The following FOSL2 variants were observed in gnomAD, a reference collection of about 807,000 sequenced individuals.
The protein encoded by FOSL2 is FOS like 2, AP-1 transcription factor subunit, also known as fos-related antigen 2.
A neutral mutation model predicts 27.7 loss-of-function variants in FOSL2; 3 were observed. The observed-to-expected ratio is 0.11, with a 90% CI of 0.05 to 0.28. The LOEUF (loss-of-function observed/expected upper bound fraction) is 0.28, where lower values mean the gene tolerates loss of function less well. Ranked by LOEUF, FOSL2 falls within the 10% of genes least tolerant of loss-of-function variation. The pLI is 1.00. For missense variants in FOSL2, 333 were observed against 445.1 expected, an observed-to-expected ratio of 0.75 and a Z score of 2.27; for synonymous variants, 179 against 190.1, an observed-to-expected ratio of 0.94 and a Z score of 0.48.
In FOSL2 at chr2:28,413,636, C is replaced by T; in HGVS notation, c.*1188C>T. ...GCAGCAGCTGCTGCCCCAGCACCCG[C>T]TCAGCCTGTCCTGGCTGCTCACCTC... is the stretch of plus-strand genomic sequence containing the variant. On this transcript the variant is annotated 3_prime_UTR_variant, in exon 4 of 4. Transcript: ENST00000264716. 1 of 399,002 alleles carries T rather than the reference C, an allele frequency of 2.5e-6. No individual in the cohort carries two copies. Among genetic ancestry groups the T allele is most frequent in the Non-Finnish European group, 4.4e-6 (1 of 226,350 alleles). 24.7% of individuals were successfully genotyped at this position (399,002 alleles called of 1,614,324 possible).
At chr2:28,403,845 T>C (rs1442391289) in intron 1 of FOSL2, among the ~76,000 whole-genome samples, 1 of 152,158 alleles carries the variant, frequency 6.6e-6, no homozygotes, top group Non-Finnish European at 1.5e-5. Context: ...GACAGTATCC[T>C]CACTGAGCCA....
Position 28,392,955 on chromosome 2 carries a change from AG to A in FOSL2, c.-765del. 1.4e-6 allele frequency: 1 copy of A among 694,316 alleles called. No individual in the cohort carries two copies. The highest frequency in any genetic ancestry group is 2.0e-5 in the Admixed American group (1 of 49,078). The allele number at this position is 694,316 out of a possible 1,614,324, so 43.0% of individuals were successfully genotyped here. A position where few individuals can be genotyped will look rare whatever the true frequency, so the allele number is the denominator to read the frequency against. ...CGGGGACAGAAAGAGGGAGAGAGAG[AG>A]AGAGAGAGAGGGAGAGGCGCGGCCG... is the stretch of plus-strand genomic sequence containing the variant. On this transcript the variant is annotated 5_prime_UTR_variant, in exon 1 of 4. Transcript: ENST00000264716.
intron 1 of FOSL2, among the ~76,000 whole-genome samples, chr2:28,395,944 G>A (rs1237630938): frequency 1.3e-5 from 2 of 152,162 alleles, no homozygotes; most frequent in Admixed American, 6.5e-5. Flanking sequence ...TCCTTCACAA[G>A]TCTATGCTAT....
rs1664310376 is a variant in FOSL2, at chr2:28,416,267, A to G, written c.*3819A>G. On this transcript the variant is annotated 3_prime_UTR_variant, in exon 4 of 4. Transcript: ENST00000264716. ...GGCCATACATCAACCAAGGGGTTTA[A>G]TTTATCCAATGCTTGACGACATGTT... 6.6e-6 allele frequency: 1 copy of G among 152,072 alleles called. No homozygotes were observed. The highest frequency in any genetic ancestry group is 2.4e-5 in the African/African-American group (1 of 41,404). 9.4% of individuals were successfully genotyped at this position (152,072 alleles called of 1,614,324 possible).
chr2:28,410,754 A>G (rs1435737403), intron 3 of FOSL2, among the ~76,000 whole-genome samples: 4 of 152,200 alleles, frequency 2.6e-5, no homozygotes, highest in African/African-American at 9.6e-5. Context: ...TGGCATCCTC[A>G]CAGGCCCTCT....
intron 1 of FOSL2, among the ~76,000 whole-genome samples, chr2:28,398,708 G>A (rs779814011): frequency 6.6e-6 from 1 of 152,226 alleles, no homozygotes; most frequent in African/African-American, 2.4e-5. Context: ...GAAGGGAGGC[G>A]AGTCACCTAA....
At chr2:28,407,505 C>T (rs1254401513) in intron 2 of FOSL2, among the ~76,000 whole-genome samples, 3 of 152,208 alleles carry the variant, frequency 2.0e-5, no homozygotes, top group Non-Finnish European at 4.4e-5. Context: ...TGACTTGGAC[C>T]CAACCAGGAC....
At chr2:28,405,728 TG>T (rs11340945) in intron 2 of FOSL2, among the ~76,000 whole-genome samples, 52,528 of 152,072 alleles carry the variant, frequency 0.35, 9,654 homozygotes, top group South Asian at 0.45. Context: ...CAGAGCCACT[TG>T]GGGAGGTGTG....
Position 28,404,318 on chromosome 2 carries a change from C to T in FOSL2, c.314C>T (p.Thr105Ile). The T allele has an allele frequency of 1.2e-6, 2 of 1,614,154 alleles. No individual in the cohort carries two copies. Among genetic ancestry groups the T allele is most frequent in the Non-Finnish European group, 1.7e-6 (2 of 1,180,032 alleles). ...MALPRPGVIKTIGTTVGRRRR... is the reference protein window; with the variant it reads ...MALPRPGVIKIIGTTVGRRRR... ...CTCCCAAGACCTGGCGTGATCAAGA[C>T]CATTGGCACCACCGTGGGCCGCAGG... The change falls in exon 2 of 4, where the codon ACC becomes ATC. Residue 105 changes from threonine (T) to isoleucine (I), a missense_variant. Coordinates refer to ENST00000264716, the MANE Select transcript of FOSL2 (RefSeq NM_005253.4). This position sits in a 1 kb window ranked among gnomAD's most constrained non-coding sequence, Gnocchi z 4.7.
Position 28,404,218 on chromosome 2 carries a change from A to G in FOSL2, c.214A>G (p.Met72Val), listed in dbSNP as rs776715677. The G allele has an allele frequency of 8.1e-6, 13 of 1,613,994 alleles. No homozygotes were observed. The highest frequency in any genetic ancestry group is 2.2e-5 in the South Asian group (2 of 91,090). The change falls in exon 2 of 4, where the codon ATG (methionine) becomes GTG (valine). Residue 72 changes from methionine to valine, a missense_variant. This residue lies in a region of FOSL2 where 131 missense variants were observed against 157.9 expected (regional missense o/e 0.83). Transcript: ENST00000264716. This position sits in a 1 kb window ranked among gnomAD's most constrained non-coding sequence, Gnocchi z 4.7. ...GGTGCAGCCCACAGTGATCACCTCC[A>G]TGTCCAACCCATACCCTCGCTCGCA... is the stretch of plus-strand genomic sequence containing the variant. ...WMVQPTVITSMSNPYPRSHPY... is the reference protein window; with the variant it reads ...WMVQPTVITSVSNPYPRSHPY...
rs969568730 is a variant in FOSL2, at chr2:28,416,921, A to G, written c.*4473A>G. On this transcript the variant is annotated 3_prime_UTR_variant, in exon 4 of 4. Coordinates refer to ENST00000264716, the MANE Select transcript of FOSL2 (RefSeq NM_005253.4). Reference sequence around the variant, plus strand: ...AGTTGTATATGGTTCATATGGCTCTATGGGGAATTTAATTACCTTTCTGGG... The same window carrying G: ...AGTTGTATATGGTTCATATGGCTCTGTGGGGAATTTAATTACCTTTCTGGG... The G allele has an allele frequency of 1.3e-4, 19 of 145,130 alleles. No individual in the cohort carries two copies. Among genetic ancestry groups the G allele is most frequent in the Non-Finnish European group, 2.6e-4 (17 of 66,296 alleles). 9.0% of individuals were successfully genotyped at this position (145,130 alleles called of 1,614,324 possible).
At chr2:28,406,800 GT>G (rs1664092316) in intron 2 of FOSL2, among the ~76,000 whole-genome samples, 1 of 152,222 alleles carries the variant, frequency 6.6e-6, no homozygotes, top group Non-Finnish European at 1.5e-5. Flanking sequence ...TACTCCGGCC[GT>G]CCCCAGCCTC....
chr2:28,394,853 T>A (rs1663777772), intron 1 of FOSL2, among the ~76,000 whole-genome samples: 1 of 151,848 alleles, frequency 6.6e-6, no homozygotes. Flanking sequence ...ATCTGTGGAG[T>A]CTAGCATAGT....
In FOSL2 at chr2:28,412,215, A is replaced by G. The variant is rs771662567; in HGVS notation, c.748A>G (p.Ser250Gly). ...CCAGCGCTCTGTCATCAAGCCCATC[A>G]GCATTGCTGGGGGCTTCTACGGTGA... The part of the protein sequence containing the change: ...KAQRSVIKPI[S>G]IAGGFYGEEP... Residue 250 changes from serine to glycine, a missense_variant, in exon 4 of 4, where the codon AGC (serine) becomes GGC (glycine). Ser to Gly is a moderately conservative substitution (Grantham distance 56). Around this residue, in one of 4 missense-constraint regions of FOSL2, gnomAD observed 136 missense variants for 123.7 expected, o/e 1.10. Transcript: ENST00000264716. The surrounding 1 kb of genome is among the most constrained non-coding windows in gnomAD (Gnocchi z 7.1). 3.3e-5 allele frequency: 54 copies of G among 1,613,470 alleles called. 1 individual carries two copies. Among genetic ancestry groups the G allele is most frequent in the Non-Finnish European group, 4.4e-5 (52 of 1,179,886 alleles).
chr2:28,399,433 A>G (rs764213770), intron 1 of FOSL2, among the ~76,000 whole-genome samples: 8 of 152,178 alleles, frequency 5.3e-5, no homozygotes, highest in African/African-American at 1.4e-4. Flanking sequence ...TGTGGGGGGA[A>G]CTTCTCTGAC....
At chr2:28,407,884 G>A (rs1271176431) in intron 2 of FOSL2, among the ~76,000 whole-genome samples, 2 of 152,236 alleles carry the variant, frequency 1.3e-5, no homozygotes, top group South Asian at 2.1e-4. Flanking sequence ...TTTCCGGTAT[G>A]AGTGACAGAT....
chr2:28,395,961 G>C (rs1663825043), intron 1 of FOSL2, among the ~76,000 whole-genome samples: 1 of 152,118 alleles, frequency 6.6e-6, no homozygotes, highest in African/African-American at 2.4e-5. Context: ...CTATGACCTT[G>C]CCCGATCTTG....
chr2:28,401,981 G>C (rs372945847), intron 1 of FOSL2, among the ~76,000 whole-genome samples: 3 of 150,996 alleles, frequency 2.0e-5, no homozygotes, highest in African/African-American at 7.3e-5. Flanking sequence ...TCTCCAGAAT[G>C]CCAGAAACCA....
rs1663727559 is a variant in FOSL2 at position 28,393,561 on chromosome 2, C to G, written c.-160C>G. 1 of 590,020 alleles carries G rather than the reference C, an allele frequency of 1.7e-6. No homozygotes were observed. Among genetic ancestry groups the G allele is most frequent in the Non-Finnish European group, 3.0e-6 (1 of 334,336 alleles). 36.5% of individuals were successfully genotyped at this position (590,020 alleles called of 1,614,324 possible). The stretch of plus-strand genomic sequence containing the variant: ...GCTGTTCCTGAGGTGTCGCCGCCTC[C>G]CTGTCCTCGCCCTCCGCGGTGGGGG... On this transcript the variant is annotated 5_prime_UTR_variant, in exon 1 of 4. Transcript: ENST00000264716. This position sits in a 1 kb window ranked among gnomAD's most constrained non-coding sequence, Gnocchi z 4.6.
Sources: allele counts gnomAD v4.1 joint callset (sites outside exome capture counted in the v4.1 genomes callset), GRCh38; gene constraint gnomAD v4.1.1; regional missense constraint gnomAD v4.1.1; non-coding constraint Gnocchi (gnomAD v3.1); transcripts MANE v1.5; gene names NCBI Gene and HGNC (gene_info 2026-07-23, HGNC 2026-07-21).